DLGAP2: variants seen among roughly 807,000 people sequenced by gnomAD.
DLGAP2 encodes the protein disks large-associated protein 2.
DLGAP2 carries 26 observed loss-of-function variants against 100.3 expected under a neutral mutation model. That is an observed-to-expected ratio of 0.26 (90% CI 0.19 to 0.36). The LOEUF is 0.36. Among genes scored for constraint, DLGAP2 ranks in the 10% least tolerant of loss-of-function variants. The probability of loss-of-function intolerance (pLI) is 1.00; values close to 1 mark genes in which losing one functional copy is unlikely to be tolerated. For synonymous variants in DLGAP2, 886 were observed against 630.1 expected, an observed-to-expected ratio of 1.41 and a Z score of -6.08; for missense variants, 1,858 against 1,453.2, an observed-to-expected ratio of 1.28 and a Z score of -4.53.
intron 3 of DLGAP2, among the ~76,000 whole-genome samples, chr8:1,449,842 GCGGAGCTGT>G (rs1798093310): frequency 1.0e-5 from 1 of 97,226 alleles, no homozygotes; most frequent in African/African-American, 5.0e-5. Flanking sequence ...TGTGACTGTA[GCGGAGCTGT>G]GAGGGTGAAG....
At chr8:1,358,955 C>A (rs1801916092) in intron 3 of DLGAP2, among the ~76,000 whole-genome samples, 1 of 152,168 alleles carries the variant, frequency 6.6e-6, no homozygotes, top group African/African-American at 2.4e-5. Context: ...AGCAGCAGAA[C>A]CTCTGGGCCA....
At chr8:1,531,479 T>C (rs1489466303) in intron 4 of DLGAP2, among the ~76,000 whole-genome samples, 1 of 152,172 alleles carries the variant, frequency 6.6e-6, no homozygotes, top group Non-Finnish European at 1.5e-5. Flanking sequence ...TTAATTTGTA[T>C]TTTCATGTCT....
chr8:976,008 C>G (rs183510551), intron 2 of DLGAP2, among the ~76,000 whole-genome samples: 1 of 152,206 alleles, frequency 6.6e-6, no homozygotes, highest in African/African-American at 2.4e-5. Flanking sequence ...TTGCAAGATA[C>G]AAGGTTATTA....
Position 833,855 on chromosome 8 carries a change from T to G in DLGAP2, c.19-74057T>G, listed in dbSNP as rs556517529. On this transcript the variant is annotated intron_variant, in intron 1 of 14. Transcript: ENST00000637795. ...ATAGTTGCAAAGGAAGTTTTTCATCTTTTATCTCAGAACATGACAGGTTGG... is the reference window on the plus strand; with the variant it reads ...ATAGTTGCAAAGGAAGTTTTTCATCGTTTATCTCAGAACATGACAGGTTGG... Among the ~76,000 whole-genome samples the G allele has an allele frequency of 1.3e-4, 20 of 152,352 alleles. 1 individual carries two copies. The highest frequency in any genetic ancestry group is 3.4e-3 in the Middle Eastern group (1 of 294).
chr8:1,235,185 C>G (rs1237299650), intron 2 of DLGAP2, among the ~76,000 whole-genome samples: 2 of 124,918 alleles, frequency 1.6e-5, no homozygotes, highest in South Asian at 3.0e-4. Flanking sequence ...GCCGTGTCTG[C>G]TTCCCTCACA....
At chr8:1,241,694 C>T (rs1031955554) in intron 2 of DLGAP2, among the ~76,000 whole-genome samples, 8 of 151,636 alleles carry the variant, frequency 5.3e-5, no homozygotes, top group African/African-American at 1.7e-4. Context: ...TTTAATTTTT[C>T]AGGGCAAGTG....
At chr8:911,671 C>T (rs765099612) in intron 2 of DLGAP2, among the ~76,000 whole-genome samples, 2 of 146,430 alleles carry the variant, frequency 1.4e-5, no homozygotes, top group African/African-American at 5.1e-5. Flanking sequence ...TGGAAGGATG[C>T]GTATATAATG....
At chr8:1,267,603 T>TC (rs1799487935) in intron 3 of DLGAP2, among the ~76,000 whole-genome samples, 1 of 68,448 alleles carries the variant, frequency 1.5e-5, no homozygotes, top group Admixed American at 1.2e-4. Context: ...TAAGATAAGA[T>TC]AAGATAAGAT....
intron 1 of DLGAP2, among the ~76,000 whole-genome samples, chr8:848,844 ATGTGTGTTCCAGCATAGGATCGCGCGG>A (rs1797120337): frequency 8.4e-6 from 1 of 118,390 alleles, no homozygotes; most frequent in Non-Finnish European, 1.8e-5. Context: ...GGATCTTGTG[ATGTGTGTTCCAGCATAGGATCGCGCGG>A]TGTCTGTTCC....
chr8:1,552,907 A>C (rs920982805), intron 5 of DLGAP2, among the ~76,000 whole-genome samples: 5 of 152,198 alleles, frequency 3.3e-5, no homozygotes, highest in Non-Finnish European at 5.9e-5. Context: ...ATTCTTTCAC[A>C]AAGCTCTTGT....
At chr8:1,407,245 G>A (rs113377278) in intron 3 of DLGAP2, among the ~76,000 whole-genome samples, 73 of 8,976 alleles carry the variant, frequency 8.1e-3, no homozygotes, top group Admixed American at 0.014. Flanking sequence ...CTTGTCCTCC[G>A]GAGTCGTGTA....
intron 2 of DLGAP2, chr8:1,018,692 A>C (rs1042168620): frequency 6.6e-6 from 1 of 152,252 alleles, no homozygotes; most frequent in African/African-American, 2.4e-5. Flanking sequence ...TTTTACATTT[A>C]ATTGACTATT....
chr8:1,701,600 G>A lies in DLGAP2; in HGVS notation c.*194G>A, dbSNP rs913340005. On this transcript the variant is annotated 3_prime_UTR_variant, in exon 15 of 15. Transcript: ENST00000637795. ...GGAGCTCGCGGCGAGGACGACTTCT[G>A]CTTTTGTTGTTGTTGTTGTTGTTCA... 7 of 629,786 alleles carry A rather than the reference G, an allele frequency of 1.1e-5. No homozygotes were observed. The Admixed American group carries it at 2.2e-4, about 20-fold the overall frequency. The allele number at this position is 629,786 out of a possible 1,614,324, so 39.0% of individuals were successfully genotyped here.
chr8:1,604,953 T>C (rs573303771), intron 6 of DLGAP2, among the ~76,000 whole-genome samples: 114 of 152,312 alleles, frequency 7.5e-4, no homozygotes, highest in Non-Finnish European at 1.3e-3. Context: ...GTCTGATGTC[T>C]TGTGTCGTGT....
intron 3 of DLGAP2, among the ~76,000 whole-genome samples, chr8:1,363,387 G>A (rs1015902515): frequency 2.0e-5 from 3 of 152,234 alleles, no homozygotes; most frequent in East Asian, 3.9e-4. Context: ...GCACACCTGC[G>A]GCTGCCTCTC....
chr8:933,490 G>C (rs1799007070), intron 2 of DLGAP2, among the ~76,000 whole-genome samples: 1 of 147,272 alleles, frequency 6.8e-6, no homozygotes, highest in Non-Finnish European at 1.5e-5. Context: ...ACCTGGCTGT[G>C]GGCACAAGGG....
chr8:1,144,485 G>A (rs894594954), intron 2 of DLGAP2, among the ~76,000 whole-genome samples: 2 of 152,222 alleles, frequency 1.3e-5, no homozygotes, highest in African/African-American at 4.8e-5. Flanking sequence ...CCCAGTCTGC[G>A]TCCTGCTTTG....
intron 2 of DLGAP2, among the ~76,000 whole-genome samples, chr8:1,202,268 GTGTGTC>G (rs1337508466): frequency 7.4e-6 from 1 of 135,314 alleles, no homozygotes; most frequent in Non-Finnish European, 1.5e-5. Context: ...GTGTGTGTGT[GTGTGTC>G]TGTGGTGCAT....
intron 3 of DLGAP2, among the ~76,000 whole-genome samples, chr8:1,468,653 G>A (rs1265259357): frequency 6.6e-6 from 1 of 152,136 alleles, no homozygotes; most frequent in South Asian, 2.1e-4. Flanking sequence ...TGCATTCCTC[G>A]CTTTATTTAC....
Sources: gnomAD v4.1 joint callset for allele counts (sites outside exome capture counted in the v4.1 genomes callset) on GRCh38, gnomAD v4.1.1 for gene constraint, MANE v1.5 for transcripts, NCBI Gene and HGNC (gene_info 2026-07-23, HGNC 2026-07-21) for gene names.